ASTE1: variants seen among roughly 807,000 people sequenced by gnomAD.
ASTE1 encodes single-strand DNA endonuclease ASTE1.
ASTE1 carries 49 observed loss-of-function variants against 45.8 expected under a neutral mutation model. That is an observed-to-expected ratio of 1.07 (90% CI 0.85 to 1.36). The LOEUF (loss-of-function observed/expected upper bound fraction) is 1.36. Ranked by LOEUF, ASTE1 falls within the 40% of genes most tolerant of loss-of-function variation. The pLI is 0.00. For synonymous variants in ASTE1, 296 were observed against 303.9 expected (o/e 0.97, Z 0.27); for missense variants, 709 against 804.0 (o/e 0.88, Z 1.43).
chr3:131,021,855 T>A (rs1031388590), intron 3 of ASTE1, among the ~76,000 whole-genome samples: 10 of 152,188 alleles, frequency 6.6e-5, no homozygotes, highest in Non-Finnish European at 1.0e-4. Flanking sequence ...TACATTTTTT[T>A]TAAAAAACTC....
At position 131,018,553 on chromosome 3, in the gene ASTE1, A is replaced by G. The variant is rs755312386; in HGVS notation, c.1466T>C (p.Leu489Pro). 6 of 1,613,940 alleles carry G rather than the reference A, an allele frequency of 3.7e-6. No homozygotes were observed. Among genetic ancestry groups the G allele is most frequent in the Middle Eastern group, 1.6e-4 (1 of 6,084 alleles). Reference protein sequence around the residue: ...KAKLHHLQSLLLTMLVGPLIA... With the variant: ...KAKLHHLQSLPLTMLVGPLIA... The stretch of plus-strand genomic sequence containing the variant: ...CAAGGGCCCCACTAGCATTGTGAGC[A>G]GTAAGGATTGTAGATGATGTAGCTT... Residue 489 changes from leucine to proline, a missense_variant, in exon 4 of 6, where the codon CTG (leucine) becomes CCG (proline). By Grantham distance (98) the Leu-to-Pro change is moderately conservative (BLOSUM62 -3). Coordinates refer to ENST00000264992, the MANE Select transcript of ASTE1 (RefSeq NM_014065.4).
Position 131,014,033 on chromosome 3 carries a change from A to G in ASTE1, c.*24T>C, listed in dbSNP as rs368694433. The stretch of plus-strand genomic sequence containing the variant: ...TTTAAGTAAGGATTATATTAAATAC[A>G]TCTAGTTTGATGCAAACTGAGTTTT... On this transcript the variant is annotated 3_prime_UTR_variant, in exon 6 of 6. Coordinates refer to ENST00000264992, the MANE Select transcript of ASTE1 (RefSeq NM_014065.4). The G allele has an allele frequency of 7.4e-6, 11 of 1,488,438 alleles. No homozygotes were observed. The highest frequency in any genetic ancestry group is 1.0e-5 in the Non-Finnish European group (11 of 1,102,176). The allele number at this position is 1,488,438 out of a possible 1,614,324, so 92.2% of individuals were successfully genotyped here.
rs749192621 is a variant in ASTE1, at chr3:131,014,055, T to C, written c.*2A>G. The C allele has an allele frequency of 6.4e-7, 1 of 1,556,668 alleles. No individual in the cohort carries two copies. The highest frequency in any genetic ancestry group is 8.7e-7 in the Non-Finnish European group (1 of 1,152,476). ...TACATCTAGTTTGATGCAAACTGAG[T>C]TTTATTCAATGTTGGAGGCCTCACT... On this transcript the variant is annotated 3_prime_UTR_variant, in exon 6 of 6. Coordinates refer to ENST00000264992, the MANE Select transcript of ASTE1 (RefSeq NM_014065.4).
chr3:131,025,232 G>A lies in ASTE1; in HGVS notation c.75C>T (p.Asp25=). Reference sequence around the variant, plus strand: ...CATAACCATCAATGACAATTTTTGTGTCCCGCAACTTCAAATCAGTGAAGA... The same window carrying A: ...CATAACCATCAATGACAATTTTTGTATCCCGCAACTTCAAATCAGTGAAGA... The part of the protein sequence containing the change: ...NEFFTDLKLR[D]TKIVIDGYAL... The change falls in exon 3 of 6, where the codon GAC becomes GAT. Residue 25 remains aspartate (D), a synonymous_variant. Coordinates refer to ENST00000264992, the MANE Select transcript of ASTE1 (RefSeq NM_014065.4). The A allele has an allele frequency of 6.2e-7, 1 of 1,614,162 alleles. No individual in the cohort carries two copies.
At chr3:131,015,973 C>T (rs752758199) in intron 5 of ASTE1, 171 bp downstream of exon 5, 40 of 820,218 alleles carry the variant, frequency 4.9e-5, no homozygotes, top group East Asian at 1.9e-4. Flanking sequence ...ATATTTTTCC[C>T]GTTTCCAGCT....
chr3:131,024,472 A>G lies in ASTE1; in HGVS notation c.835T>C (p.Tyr279His), dbSNP rs759633915. Reference sequence around the variant, plus strand: ...TTTTCTCGATCCTTTTTTGGGAGGTATTTCAGAACATTATCTAGTGCTTCG... The same window carrying G: ...TTTTCTCGATCCTTTTTTGGGAGGTGTTTCAGAACATTATCTAGTGCTTCG... The part of the protein sequence containing the change: ...PTEALDNVLK[Y>H]LPKKDRENVK... Residue 279 changes from tyrosine to histidine, a missense_variant, in exon 3 of 6, where the codon TAC becomes CAC. Physicochemically the swap from Tyr to His is moderately conservative, Grantham distance 83 (BLOSUM62 2). Coordinates refer to ENST00000264992, the MANE Select transcript of ASTE1 (RefSeq NM_014065.4). 1.2e-6 allele frequency: 2 copies of G among 1,614,140 alleles called. No homozygotes were observed. Among genetic ancestry groups the G allele is most frequent in the South Asian group, 1.1e-5 (1 of 91,084 alleles).
intron 2 of ASTE1, 22 bp from the exon 3 acceptor site, chr3:131,025,353 A>G (rs375267360): frequency 1.3e-6 from 2 of 1,561,616 alleles, no homozygotes; most frequent in African/African-American, 2.7e-5. Context: ...AACAGAAAAC[A>G]TTTTCAATTG....
chr3:131,017,179 G>T, intron 4 of ASTE1: 1 of 552,752 alleles, frequency 1.8e-6, no homozygotes, highest in Non-Finnish European at 2.7e-6. Context: ...CTCTAAACCT[G>T]TGTTCATAAA....
At chr3:131,016,645 A>C in intron 4 of ASTE1, 1 of 379,630 alleles carries the variant, frequency 2.6e-6, no homozygotes, top group East Asian at 5.9e-5. Flanking sequence ...TAAACCCTAA[A>C]TCTGTGTCTA....
In ASTE1 at chr3:131,014,392, T is replaced by A. The variant is rs1459668779; in HGVS notation, c.1710-5A>T. The A allele has an allele frequency of 6.4e-7, 1 of 1,556,144 alleles. No individual in the cohort carries two copies. Among genetic ancestry groups the A allele is most frequent in the Admixed American group, 2.1e-5 (1 of 47,550 alleles). ...ACCAGGCTTCCACTGTACAGTCTGT[T>A]CAAAGCAAGAAAAAAGTATGTTGTT... On this transcript the variant is annotated splice_region_variant and splice_polypyrimidine_tract_variant and intron_variant, in intron 5 of 5. Coordinates refer to ENST00000264992, the MANE Select transcript of ASTE1 (RefSeq NM_014065.4).
chr3:131,014,846 A>T (rs2063520570), intron 5 of ASTE1, among the ~76,000 whole-genome samples: 1 of 152,206 alleles, frequency 6.6e-6, no homozygotes, highest in Non-Finnish European at 1.5e-5. Context: ...TTTATTATGG[A>T]CAAAGCTGAT....
chr3:131,017,023 C>A, intron 4 of ASTE1: 1 of 1,289,374 alleles, frequency 7.8e-7, no homozygotes, highest in South Asian at 1.2e-5. Context: ...AGACACTGAG[C>A]CTGCCTGGGT....
rs144794057 is a variant in ASTE1 at position 131,019,843 on chromosome 3, G to A, written c.1303-1127C>T. On this transcript the variant is annotated intron_variant, in intron 3 of 5. Coordinates refer to ENST00000264992, the MANE Select transcript of ASTE1 (RefSeq NM_014065.4). The stretch of plus-strand genomic sequence containing the variant: ...AATGCATGAAAACTTTAAATAGTAC[G>A]ATTATTTCTAAATACTGCTTTTAAT... Among the ~76,000 whole-genome samples, 137 of 152,176 alleles carry A rather than the reference G, an allele frequency of 9.0e-4. 1 individual carries two copies. Among genetic ancestry groups the A allele is most frequent in the African/African-American group, 3.2e-3 (134 of 41,514 alleles).
At chr3:131,016,043 GTTTT>G (rs34645149) in intron 5 of ASTE1, 97 bp downstream of exon 5, 6 of 1,271,074 alleles carry the variant, frequency 4.7e-6, no homozygotes, top group Admixed American at 2.2e-5. Flanking sequence ...TTTTGTTTTG[GTTTT>G]TTTTTTTAAG....
At position 131,024,181 on chromosome 3, in the gene ASTE1, T is replaced by A; in HGVS notation, c.1126A>T (p.Ile376Phe). ...HRISQPIRQI[I>F]YGLLLNASPH... ...GAGGCATTTAAAAGAAGCCCATAGA[T>A]GATTTGCCTGATGGGCTGAGATATT... The change falls in exon 3 of 6, where the codon ATC becomes TTC. Residue 376 changes from isoleucine to phenylalanine, a missense_variant. Transcript: ENST00000264992. 6.2e-7 allele frequency: 1 copy of A among 1,614,168 alleles called. No homozygotes were observed. The highest frequency in any genetic ancestry group is 1.3e-5 in the African/African-American group (1 of 75,052).
chr3:131,025,066 C>A lies in ASTE1; in HGVS notation c.241G>T (p.Gly81Ter). 1 of 1,609,932 alleles carries A rather than the reference C, an allele frequency of 6.2e-7. No individual in the cohort carries two copies. Among genetic ancestry groups the A allele is most frequent in the Non-Finnish European group, 8.5e-7 (1 of 1,177,520 alleles). The change falls in exon 3 of 6, where the codon GGA becomes TGA. Residue 81 changes from glycine to a stop codon, truncating the protein, a stop_gained. Transcript: ENST00000264992. LOFTEE classifies it high-confidence loss of function. ...AGCTTTTTATCTGAAATGTCACATC[C>A]TCCATCTAATACAACATATGGGCAT... ...NICPYVVLDGGCDISDKKLTT... is the reference protein window; with the variant it reads ...NICPYVVLDG
chr3:131,017,607 A>G (rs2063671181), intron 4 of ASTE1, among the ~76,000 whole-genome samples: 4 of 152,220 alleles, frequency 2.6e-5, no homozygotes, highest in Admixed American at 2.6e-4. Context: ...CTGAAGTATT[A>G]AAGTGTCCCA....
chr3:131,021,090 C>T (rs763382467), intron 3 of ASTE1, among the ~76,000 whole-genome samples: 22 of 152,016 alleles, frequency 1.4e-4, no homozygotes, highest in Admixed American at 2.0e-4. Context: ...AAGTGGTAAC[C>T]ATAAATAATA....
rs2063803183 is a variant in ASTE1 at position 131,025,104 on chromosome 3, AAC to A, written c.201_202del (p.Phe68CysfsTer3). ...AACATATGGGCATATATTACAAGCA[AAC>A]AGTGATTCAAAGAATTTTTGTACAA... is the stretch of plus-strand genomic sequence containing the variant. On this transcript the variant is annotated frameshift_variant, in exon 3 of 6. Coordinates refer to ENST00000264992, the MANE Select transcript of ASTE1 (RefSeq NM_014065.4). LOFTEE classifies it high-confidence loss of function. 6.2e-7 allele frequency: 1 copy of A among 1,614,158 alleles called. No individual in the cohort carries two copies.
Sources: gnomAD v4.1 joint callset for allele counts (sites outside exome capture counted in the v4.1 genomes callset) on GRCh38, gnomAD v4.1.1 for gene constraint, MANE v1.5 for transcripts, NCBI Gene and HGNC (gene_info 2026-07-23, HGNC 2026-07-21) for gene names.